NTRK3: variants seen among roughly 807,000 people sequenced by gnomAD.
NTRK3 encodes NT-3 growth factor receptor.
A neutral mutation model predicts 91.7 loss-of-function variants in NTRK3; 24 were observed. That is an observed-to-expected ratio of 0.26 (90% CI 0.19 to 0.37). The LOEUF (loss-of-function observed/expected upper bound fraction) is 0.37, where lower values mean the gene tolerates loss of function less well. NTRK3 is among the 10% of genes least tolerant of loss of function. NTRK3 has a pLI of 1.00. For synonymous variants in NTRK3, 483 were observed against 404.0 expected (o/e 1.20, Z -2.34); for missense variants, 880 against 1,068.9 (o/e 0.82, Z 2.46).
rs139703658 is a variant in NTRK3 at position 87,971,294 on chromosome 15, C to T, written c.1586-30541G>A. On this transcript the variant is annotated intron_variant, in intron 14 of 18. Transcript: ENST00000394480. ...AAAGGCCTCAGTGAGGAGCTATGGTCGCCGGTTGGGGGCAACCAGAGAGCA... is the reference window on the plus strand; with the variant it reads ...AAAGGCCTCAGTGAGGAGCTATGGTTGCCGGTTGGGGGCAACCAGAGAGCA... 3.3e-4 allele frequency among the ~76,000 whole-genome samples: 51 copies of T among 152,260 alleles called. 1 individual carries two copies. Among genetic ancestry groups the T allele is most frequent in the East Asian group, 1.9e-3 (10 of 5,158 alleles).
chr15:88,022,363 T>C (rs910491608), intron 14 of NTRK3, among the ~76,000 whole-genome samples: 14 of 152,200 alleles, frequency 9.2e-5, no homozygotes, highest in Non-Finnish European at 1.9e-4. Context: ...GCAACAATAA[T>C]GCTCATCTTT....
At chr15:87,873,267 T>G (rs569764672) in exon 19 of NTRK3, 1 of 231,222 alleles carries the variant, frequency 4.3e-6, no homozygotes, top group African/African-American at 2.2e-5. Flanking sequence ...GTGCATGATC[T>G]GCTGAATGGA....
At chr15:87,957,386 G>A (rs944874739) in intron 14 of NTRK3, among the ~76,000 whole-genome samples, 3 of 152,010 alleles carry the variant, frequency 2.0e-5, no homozygotes, top group Admixed American at 1.3e-4. Context: ...CATCCCTGTG[G>A]GACATTGTGT....
chr15:87,876,736 TA>T, exon 19 of NTRK3: 1 of 406,020 alleles, frequency 2.5e-6, no homozygotes, highest in African/African-American at 2.0e-5. Context: ...TATATATATA[TA>T]TTTGCCAAAC....
chr15:88,221,607 A>G (rs1307857117), intron 3 of NTRK3, among the ~76,000 whole-genome samples: 5 of 152,244 alleles, frequency 3.3e-5, no homozygotes, highest in African/African-American at 7.2e-5. Context: ...CCTGGGCAAC[A>G]TGGTGGAACC....
At chr15:87,994,551 C>T (rs1475898247) in intron 14 of NTRK3, among the ~76,000 whole-genome samples, 3 of 152,166 alleles carry the variant, frequency 2.0e-5, no homozygotes, top group East Asian at 1.9e-4. Context: ...CTTCAGGGGG[C>T]TCACAGCCCT....
intron 5 of NTRK3, among the ~76,000 whole-genome samples, chr15:88,180,539 C>G (rs1380867730): frequency 6.6e-6 from 1 of 152,112 alleles, no homozygotes; most frequent in African/African-American, 2.4e-5. Flanking sequence ...CTGATTAACG[C>G]AACAGTAGCT....
At chr15:88,020,534 A>G (rs773191836) in intron 14 of NTRK3, among the ~76,000 whole-genome samples, 2 of 152,212 alleles carry the variant, frequency 1.3e-5, no homozygotes, top group Admixed American at 6.5e-5. Context: ...CAGCATATTT[A>G]TATCAGAAAT....
intron 3 of NTRK3, among the ~76,000 whole-genome samples, chr15:88,236,780 A>C (rs529938475): frequency 5.3e-5 from 8 of 151,110 alleles, no homozygotes; most frequent in Non-Finnish European, 8.9e-5. Flanking sequence ...AAAAAAAAAA[A>C]AAAAAAAAAC....
rs111239726 is a variant in NTRK3 at position 87,885,909 on chromosome 15, C to T, written c.2134-5481G>A. Among the ~76,000 whole-genome samples the T allele has an allele frequency of 2.4e-3, 364 of 151,990 alleles. 1 individual carries two copies. Among genetic ancestry groups the T allele is most frequent in the African/African-American group, 8.1e-3 (335 of 41,540 alleles). ...AATTCTTTTGCATGGCAAAAGACAA[C>T]ATAAGCATAGCTAAAAGACAAATGG... On this transcript the variant is annotated intron_variant, in intron 17 of 18. Coordinates refer to ENST00000394480, the Ensembl canonical transcript of NTRK3.
At chr15:88,054,810 C>T (rs2045542320) in intron 13 of NTRK3, among the ~76,000 whole-genome samples, 1 of 152,012 alleles carries the variant, frequency 6.6e-6, no homozygotes, top group Admixed American at 6.6e-5. Flanking sequence ...TCAACAAGTG[C>T]TTACTATGTT....
chr15:87,933,195 T>C lies in NTRK3; in HGVS notation c.1717-11A>G, dbSNP rs371222603. On this transcript the variant is annotated splice_polypyrimidine_tract_variant and intron_variant, in intron 15 of 18. Transcript: ENST00000394480. Reference sequence around the variant, plus strand: ...GGGATCCTTCAGGGCCTAGGAACAATGCAGGACACAGGTGTTTAACAACTA... The same window carrying C: ...GGGATCCTTCAGGGCCTAGGAACAACGCAGGACACAGGTGTTTAACAACTA... 5 of 1,613,968 alleles carry C rather than the reference T, an allele frequency of 3.1e-6. No individual in the cohort carries two copies. The highest frequency in any genetic ancestry group is 3.4e-6 in the Non-Finnish European group (4 of 1,180,004).
intron 17 of NTRK3, among the ~76,000 whole-genome samples, chr15:87,907,834 G>A (rs1211407911): frequency 6.6e-6 from 1 of 152,184 alleles, no homozygotes; most frequent in Non-Finnish European, 1.5e-5. Context: ...TGACTCTGCA[G>A]TATGTCCATC....
rs544356369 is a variant in NTRK3, at chr15:88,235,875, A to G, written c.248+20031T>C. Among the ~76,000 whole-genome samples, 8 of 152,344 alleles carry G rather than the reference A, an allele frequency of 5.3e-5. No homozygotes were observed. Among genetic ancestry groups the G allele is most frequent in the Admixed American group, 2.0e-4 (3 of 15,306 alleles). On this transcript the variant is annotated intron_variant, in intron 3 of 18. Coordinates refer to ENST00000394480, the Ensembl canonical transcript of NTRK3. This position sits in a 1 kb window ranked among gnomAD's most constrained non-coding sequence, Gnocchi z 5.2. ...CCACCTACCAGTTGGATGACCTTGA[A>G]CAAGTGACGCCACCCTTCTTCCCCT... is the stretch of plus-strand genomic sequence containing the variant.
intron 17 of NTRK3, among the ~76,000 whole-genome samples, chr15:87,891,921 T>C (rs934458500): frequency 6.6e-6 from 1 of 152,156 alleles, no homozygotes; most frequent in Non-Finnish European, 1.5e-5. Flanking sequence ...GCAAGAGGTT[T>C]CAAACCAGAA....
chr15:88,187,544 T>C (rs144485148), intron 3 of NTRK3, among the ~76,000 whole-genome samples: 73 of 152,330 alleles, frequency 4.8e-4, no homozygotes, highest in South Asian at 8.3e-4. Context: ...AGGTTTGGTT[T>C]GCCTTTGTCA....
intron 14 of NTRK3, among the ~76,000 whole-genome samples, chr15:87,986,287 T>C (rs116922235): frequency 0.021 from 3,169 of 152,334 alleles, 49 homozygotes; most frequent in Middle Eastern, 0.051. Context: ...ATCTAAAATA[T>C]CAGAAAAGTG....
At chr15:88,228,722 C>A in intron 3 of NTRK3, among the ~76,000 whole-genome samples, 1 of 152,202 alleles carries the variant, frequency 6.6e-6, no homozygotes, top group South Asian at 2.1e-4. Context: ...AAGCCTCACA[C>A]GCAGTAACAG....
chr15:87,908,231 G>A (rs891097292), intron 17 of NTRK3, among the ~76,000 whole-genome samples: 2 of 152,152 alleles, frequency 1.3e-5, no homozygotes, highest in Non-Finnish European at 2.9e-5. Context: ...TCTCCCGGCT[G>A]TGCACCTAAT....
Sources: gnomAD v4.1 joint callset for allele counts (sites outside exome capture counted in the v4.1 genomes callset) on GRCh38, gnomAD v4.1.1 for gene constraint, Gnocchi (gnomAD v3.1) non-coding constraint, MANE v1.5 for transcripts, NCBI Gene and HGNC (gene_info 2026-07-23, HGNC 2026-07-21) for gene names.